The following CWH43 variants were observed in gnomAD, a reference collection of about 807,000 sequenced individuals.
CWH43 encodes PGAP2-interacting protein.
In CWH43, 91 loss-of-function variants were observed where a neutral mutation model predicts 85.7. That is an observed-to-expected ratio of 1.06 (90% CI 0.90 to 1.26). The LOEUF is 1.26. Ranked by LOEUF, CWH43 falls within the 50% of genes most tolerant of loss-of-function variation. The pLI is 0.00. For missense variants in CWH43, 869 were observed against 839.2 expected, an observed-to-expected ratio of 1.04 and a Z score of -0.44; for synonymous variants, 323 against 293.6, an observed-to-expected ratio of 1.10 and a Z score of -1.02.
intron 15 of CWH43, among the ~76,000 whole-genome samples, chr4:49,061,547 A>T (rs1785158918): frequency 6.6e-6 from 1 of 152,216 alleles, no homozygotes; most frequent in Admixed American, 6.5e-5. Context: ...ATATTATTCA[A>T]ACTCAAGATG....
intron 4 of CWH43, among the ~76,000 whole-genome samples, chr4:48,993,553 C>G (rs1352539924): frequency 6.6e-6 from 1 of 152,182 alleles, no homozygotes; most frequent in Non-Finnish European, 1.5e-5. Flanking sequence ...GCCCAATAGG[C>G]TCTCTCTGTT....
At chr4:49,002,934 G>C (rs542054862) in intron 6 of CWH43, among the ~76,000 whole-genome samples, 1 of 152,244 alleles carries the variant, frequency 6.6e-6, no homozygotes, top group South Asian at 2.1e-4. Flanking sequence ...TGAAGGGTGG[G>C]TCCCAATTAT....
intron 13 of CWH43, 95 bp from the exon 14 acceptor site, chr4:49,044,691 G>T: frequency 1.1e-6 from 1 of 902,812 alleles, no homozygotes; most frequent in South Asian, 1.5e-5. Context: ...CATGTACAAA[G>T]AGATATTTAT....
chr4:49,007,300 GA>G lies in CWH43; in HGVS notation c.1163del (p.Lys388ArgfsTer6). On this transcript the variant is annotated frameshift_variant, in exon 8 of 16. Transcript: ENST00000226432. LOFTEE classifies it high-confidence loss of function. Reference protein sequence around the residue: ...QTKNSSKVLFRKSEKYMKLFL... With the variant: ...QTKNSSKVLFXKSEKYMKLFL... ...AAAAACAGTTCTAAAGTGCTTTTCAGAAAGAGTGAAAAATACATGAAACTTT... is the reference window on the plus strand; with the variant it reads ...AAAAACAGTTCTAAAGTGCTTTTCAGAAGAGTGAAAAATACATGAAACTTT... 3.7e-6 allele frequency: 6 copies of G among 1,603,884 alleles called. No homozygotes were observed. Among genetic ancestry groups the G allele is most frequent in the Non-Finnish European group, 4.3e-6 (5 of 1,176,212 alleles).
intron 9 of CWH43, among the ~76,000 whole-genome samples, chr4:49,020,691 C>G (rs1432256045): frequency 1.3e-5 from 2 of 152,044 alleles, no homozygotes; most frequent in Non-Finnish European, 2.9e-5. Flanking sequence ...TAAAAGTGTT[C>G]CTTTTCACTA....
chr4:49,025,757 A>G (rs554519907), intron 9 of CWH43, among the ~76,000 whole-genome samples: 55 of 152,314 alleles, frequency 3.6e-4, no homozygotes, highest in African/African-American at 1.3e-3. Context: ...TCGAGGTAGC[A>G]GAGGAGTGAA....
At chr4:49,012,886 C>A (rs754596036) in intron 8 of CWH43, among the ~76,000 whole-genome samples, 1 of 152,158 alleles carries the variant, frequency 6.6e-6, no homozygotes, top group Non-Finnish European at 1.5e-5. Context: ...TGGCACCCAC[C>A]TGTATGAGGT....
At chr4:49,057,665 T>G (rs1785010594) in intron 15 of CWH43, among the ~76,000 whole-genome samples, 1 of 152,246 alleles carries the variant, frequency 6.6e-6, no homozygotes, top group African/African-American at 2.4e-5. Context: ...TACTGTTTCC[T>G]TGTTGATTTT....
At chr4:48,990,074 CACAGA>C (rs1782610505) in intron 2 of CWH43, among the ~76,000 whole-genome samples, 1 of 152,138 alleles carries the variant, frequency 6.6e-6, no homozygotes, top group Admixed American at 6.5e-5. Flanking sequence ...CCTATAGATC[CACAGA>C]CTGAGTAGTT....
intron 1 of CWH43, chr4:48,986,875 A>T: frequency 1.1e-6 from 1 of 939,618 alleles, no homozygotes; most frequent in Non-Finnish European, 1.3e-6. Context: ...GGAAAGGGGC[A>T]CCCGTTTTCC....
intron 9 of CWH43, among the ~76,000 whole-genome samples, chr4:49,021,102 T>G (rs1210443438): frequency 1.3e-5 from 2 of 152,212 alleles, no homozygotes; most frequent in African/African-American, 4.8e-5. Flanking sequence ...CATTTGTTTT[T>G]GGGTTCTTGG....
At chr4:49,036,846 C>T (rs1373331081) in intron 12 of CWH43, among the ~76,000 whole-genome samples, 1 of 152,164 alleles carries the variant, frequency 6.6e-6, no homozygotes, top group African/African-American at 2.4e-5. Context: ...TGAGTCTCTT[C>T]TGCGGCTCCA....
chr4:49,024,640 C>T (rs549004771), intron 9 of CWH43, among the ~76,000 whole-genome samples: 2 of 152,194 alleles, frequency 1.3e-5, no homozygotes, highest in Admixed American at 6.5e-5. Context: ...AAATTCTTGG[C>T]TGATAATTTT....
rs748858371 is a variant in CWH43 at position 48,998,497 on chromosome 4, C to T, written c.751C>T (p.Leu251Phe). The T allele has an allele frequency of 5.6e-6, 9 of 1,613,844 alleles. No individual in the cohort carries two copies. The highest frequency in any genetic ancestry group is 7.6e-6 in the Non-Finnish European group (9 of 1,179,882). Residue 251 changes from leucine (L) to phenylalanine (F), a missense_variant, in exon 6 of 16, where the codon CTT becomes TTT. By Grantham distance (22) the Leu-to-Phe change is conservative. Transcript: ENST00000226432. ...VLLCLASGLM[L>F]PSCLWFRGTG... is the part of the protein sequence containing the mutation. ...GCTGTGCTTGGCAAGTGGATTGATG[C>T]TTCCATCTTGTTTGTGGTTTCGTGG...
intron 15 of CWH43, among the ~76,000 whole-genome samples, chr4:49,057,818 A>G (rs1785014235): frequency 1.3e-5 from 2 of 152,224 alleles, no homozygotes; most frequent in Admixed American, 6.5e-5. Flanking sequence ...ACATATATTT[A>G]TAATTATTAT....
chr4:49,027,383 A>G (rs769916920), intron 9 of CWH43, among the ~76,000 whole-genome samples: 10 of 152,192 alleles, frequency 6.6e-5, no homozygotes, highest in Admixed American at 5.9e-4. Flanking sequence ...AAGGAATAAC[A>G]TATTTTGGAG....
At chr4:49,016,175 C>T (rs1783535689) in intron 8 of CWH43, among the ~76,000 whole-genome samples, 1 of 151,964 alleles carries the variant, frequency 6.6e-6, no homozygotes, top group Non-Finnish European at 1.5e-5. Context: ...TGAAAATTAA[C>T]CGAAGAACTA....
intron 10 of CWH43, among the ~76,000 whole-genome samples, chr4:49,029,730 G>C (rs889571311): frequency 8.5e-5 from 13 of 152,220 alleles, no homozygotes; most frequent in Non-Finnish European, 1.5e-4. Flanking sequence ...GTTACTCTTT[G>C]CTACACTGAG....
At chr4:49,016,929 C>T (rs1320966235) in intron 8 of CWH43, 1 of 784,128 alleles carries the variant, frequency 1.3e-6, no homozygotes, top group Non-Finnish European at 2.4e-6. Flanking sequence ...GCTGATCTCC[C>T]CAGTAAAGGC....
Sources: allele counts gnomAD v4.1 joint callset (sites outside exome capture counted in the v4.1 genomes callset), GRCh38; gene constraint gnomAD v4.1.1; transcripts MANE v1.5; gene names NCBI Gene and HGNC (gene_info 2026-07-23, HGNC 2026-07-21).